SLC24A3: variants seen among roughly 807,000 people sequenced by gnomAD.
SLC24A3 encodes sodium/potassium/calcium exchanger 3.
In SLC24A3, 28 loss-of-function variants were observed where a neutral mutation model predicts 75.8. The ratio of observed to expected loss-of-function variants is 0.37; its 90% CI spans 0.27 to 0.51. The LOEUF (loss-of-function observed/expected upper bound fraction) is 0.51, where lower values mean the gene tolerates loss of function less well. Among genes scored for constraint, SLC24A3 ranks in the 20% least tolerant of loss-of-function variants. The probability of loss-of-function intolerance (pLI) is 0.94; values close to 1 mark genes in which losing one functional copy is unlikely to be tolerated. For missense variants in SLC24A3, 663 were observed against 847.8 expected, an observed-to-expected ratio of 0.78 and a Z score of 2.71; for synonymous variants, 372 against 334.1, an observed-to-expected ratio of 1.11 and a Z score of -1.24.
At chr20:19,676,071 T>C (rs2032519501) in intron 9 of SLC24A3, among the ~76,000 whole-genome samples, 1 of 152,224 alleles carries the variant, frequency 6.6e-6, no homozygotes, top group Non-Finnish European at 1.5e-5. Flanking sequence ...ATCTTAATTT[T>C]CATGAAAGTA....
At chr20:19,553,091 C>CTCCCTCCCTCCTTCCT (rs1390295999) in intron 3 of SLC24A3, among the ~76,000 whole-genome samples, 2 of 129,450 alleles carry the variant, frequency 1.5e-5, no homozygotes, top group Non-Finnish European at 3.3e-5. Flanking sequence ...CCCTCCCTCC[C>CTCCCTCCCTCCTTCCT]TCCTTCCTTC....
chr20:19,584,667 A>AC (rs992608944), intron 4 of SLC24A3, among the ~76,000 whole-genome samples: 2 of 151,824 alleles, frequency 1.3e-5, no homozygotes, highest in African/African-American at 4.8e-5. Flanking sequence ...TGGGTTGAAG[A>AC]CCCCTAGATC....
intron 3 of SLC24A3, among the ~76,000 whole-genome samples, chr20:19,551,250 G>A (rs1568653412): frequency 6.6e-6 from 1 of 152,178 alleles, no homozygotes; most frequent in Non-Finnish European, 1.5e-5. Flanking sequence ...AAACCAGGAA[G>A]GCAGGAGGTG....
chr20:19,566,419 G>A (rs2030958652), intron 3 of SLC24A3, among the ~76,000 whole-genome samples: 1 of 152,194 alleles, frequency 6.6e-6, no homozygotes, highest in Non-Finnish European at 1.5e-5. Context: ...CCTGTGGGCA[G>A]TTGAGGTCAT....
intron 1 of SLC24A3, among the ~76,000 whole-genome samples, chr20:19,258,464 G>C (rs185015350): frequency 6.6e-6 from 1 of 152,350 alleles, no homozygotes; most frequent in East Asian, 1.9e-4. Context: ...CTAGCACTTT[G>C]GGAGGCTGAG....
chr20:19,213,113 G>A, intron 1 of SLC24A3, 129 bp downstream of exon 1: 4 of 1,040,466 alleles, frequency 3.8e-6, no homozygotes, highest in South Asian at 4.8e-5. Flanking sequence ...GTTGGCGGGG[G>A]GAGTGGGATG....
rs147069179 is a variant in SLC24A3 at position 19,612,862 on chromosome 20, C to G, written c.612+27318C>G. On this transcript the variant is annotated intron_variant, in intron 6 of 16. Transcript: ENST00000328041. ...CTGAGTAGAGCCACTCCACTTACAC[C>G]CTCCACCAGGGTCCCATTGTGCTTA... Among the ~76,000 whole-genome samples the G allele has an allele frequency of 8.8e-3, 1,338 of 152,246 alleles. 26 individuals are homozygous for G. Among genetic ancestry groups the G allele is most frequent in the African/African-American group, 0.03 (1,262 of 41,518 alleles).
intron 2 of SLC24A3, among the ~76,000 whole-genome samples, chr20:19,425,744 T>C (rs1002665878): frequency 1.3e-5 from 2 of 151,622 alleles, no homozygotes; most frequent in African/African-American, 4.8e-5. Context: ...CACCACACAC[T>C]TCTTTAAATT....
chr20:19,292,844 A>G (rs1218226560), intron 2 of SLC24A3, among the ~76,000 whole-genome samples: 3 of 152,224 alleles, frequency 2.0e-5, no homozygotes, highest in African/African-American at 7.2e-5. Flanking sequence ...GCACTGGCAG[A>G]TTCAGTGTCT....
At chr20:19,262,425 A>T (rs1247580340) in intron 1 of SLC24A3, among the ~76,000 whole-genome samples, 1 of 146,640 alleles carries the variant, frequency 6.8e-6, no homozygotes, top group Non-Finnish European at 1.5e-5. Context: ...AAAAAAAAAA[A>T]AGAAAGAGAG....
intron 2 of SLC24A3, among the ~76,000 whole-genome samples, chr20:19,367,428 A>G (rs1985911709): frequency 6.6e-6 from 1 of 152,250 alleles, no homozygotes; most frequent in Non-Finnish European, 1.5e-5. Flanking sequence ...CTTATTAACA[A>G]ACAGGCTTGG....
intron 7 of SLC24A3, among the ~76,000 whole-genome samples, chr20:19,658,459 C>G (rs1308206929): frequency 6.6e-6 from 1 of 152,152 alleles, no homozygotes; most frequent in Admixed American, 6.5e-5. Context: ...CTTCCCTATT[C>G]GGGTATTTCA....
chr20:19,667,404 C>T lies in SLC24A3; in HGVS notation c.713+1515C>T, dbSNP rs35970471. On this transcript the variant is annotated intron_variant, in intron 8 of 16. Transcript: ENST00000328041. ...GCCAAATGGAGTGAGGGGCATTTTT[C>T]CCCCCTGTCCTTGGGGATAAAGTGC... is the stretch of plus-strand genomic sequence containing the variant. Among the ~76,000 whole-genome samples the T allele has an allele frequency of 8.9e-3, 1,349 of 152,200 alleles. 27 individuals are homozygous for T. The highest frequency in any genetic ancestry group is 0.031 in the African/African-American group (1,292 of 41,524).
In SLC24A3 at chr20:19,432,272, T is replaced by TA. The variant is rs1987116935; in HGVS notation, c.272-83216_272-83215insA. The stretch of plus-strand genomic sequence containing the variant: ...TCAAACAGATTTATATATATCTGTT[T>TA]TATATATATATATATATATAAGATT... On this transcript the variant is annotated intron_variant, in intron 2 of 16. Transcript: ENST00000328041. Among the ~76,000 whole-genome samples, 14 of 145,316 alleles carry TA rather than the reference T, an allele frequency of 9.6e-5. No individual in the cohort carries two copies. The East Asian group carries it at 9.9e-4, about 10-fold the overall frequency.
chr20:19,513,753 C>G lies in SLC24A3; in HGVS notation c.272-1735C>G, dbSNP rs1000007644. ...TTTTTTTTTAGAAAAAAAAAAAAAGCCTTTTTGAGATATTATTGACGTATA... is the reference window on the plus strand; with the variant it reads ...TTTTTTTTTAGAAAAAAAAAAAAAGGCTTTTTGAGATATTATTGACGTATA... On this transcript the variant is annotated intron_variant, in intron 2 of 16. Transcript: ENST00000328041. Among the ~76,000 whole-genome samples the G allele has an allele frequency of 2.2e-5, 3 of 134,956 alleles. No homozygotes were observed. In the East Asian group the frequency reaches 7.7e-4, roughly 34 times the overall value. The allele number at this position is 134,956 out of a possible 152,430, so 88.5% of individuals were successfully genotyped here. A position where few individuals can be genotyped will look rare whatever the true frequency, so the allele number is the denominator to read the frequency against.
At chr20:19,687,908 G>A (rs1270150965) in intron 12 of SLC24A3, among the ~76,000 whole-genome samples, 1 of 152,156 alleles carries the variant, frequency 6.6e-6, no homozygotes, top group Admixed American at 6.5e-5. Context: ...CTGGGCTCCT[G>A]TGTATGAGGA....
intron 2 of SLC24A3, among the ~76,000 whole-genome samples, chr20:19,352,866 C>G (rs1568597501): frequency 6.6e-6 from 1 of 152,174 alleles, no homozygotes; most frequent in African/African-American, 2.4e-5. Context: ...AATGATGGAC[C>G]ACTTATGCAA....
intron 2 of SLC24A3, among the ~76,000 whole-genome samples, chr20:19,301,867 G>A (rs548346171): frequency 3.9e-5 from 6 of 152,192 alleles, no homozygotes; most frequent in Non-Finnish European, 5.9e-5. Context: ...ACCTCACTCC[G>A]CCCATGTTTA....
chr20:19,242,850 G>A (rs1982369548), intron 1 of SLC24A3, among the ~76,000 whole-genome samples: 1 of 152,172 alleles, frequency 6.6e-6, no homozygotes, highest in Admixed American at 6.5e-5. Flanking sequence ...TAATTATTTT[G>A]CATCACTGTC....
Sources: allele counts gnomAD v4.1 joint callset (sites outside exome capture counted in the v4.1 genomes callset), GRCh38; gene constraint gnomAD v4.1.1; transcripts MANE v1.5; gene names NCBI Gene and HGNC (gene_info 2026-07-23, HGNC 2026-07-21).